BTBD2: variants seen among roughly 807,000 people sequenced by gnomAD.
The protein encoded by BTBD2 is BTB/POZ domain-containing protein 2.
A neutral mutation model predicts 44.0 loss-of-function variants in BTBD2; 15 were observed. That is an observed-to-expected ratio of 0.34 (90% confidence interval 0.23 to 0.53). The LOEUF (loss-of-function observed/expected upper bound fraction) is 0.53, where lower values mean the gene tolerates loss of function less well. BTBD2 is among the 20% of genes least tolerant of loss of function. The probability of loss-of-function intolerance (pLI) is 0.95; values close to 1 mark genes in which losing one functional copy is unlikely to be tolerated. For missense variants in BTBD2, 657 were observed against 746.4 expected (o/e 0.88, Z 1.39); for synonymous variants, 443 against 335.9 (o/e 1.32, Z -3.49).
rs563493688 is a variant in BTBD2, at chr19:1,987,863, G to T, written c.989-171C>A. Reference sequence around the variant, plus strand: ...CACCAGCCATGGCCCCTGCTGCCTGGGCTTTTAGGGAGAGGTCCCAGGGCA... The same window carrying T: ...CACCAGCCATGGCCCCTGCTGCCTGTGCTTTTAGGGAGAGGTCCCAGGGCA... On this transcript the variant is annotated intron_variant, in intron 5 of 8. Transcript: ENST00000255608. The T allele has an allele frequency of 1.1e-4, 71 of 644,490 alleles. 1 individual carries two copies. The Admixed American group carries it at 1.6e-3, about 14-fold the overall frequency. 39.9% of individuals were successfully genotyped at this position (644,490 alleles called of 1,614,324 possible). A position where few individuals can be genotyped will look rare whatever the true frequency, so the allele number is the denominator to read the frequency against.
intron 2 of BTBD2, among the ~76,000 whole-genome samples, chr19:1,994,713 C>G (rs948996314): frequency 6.6e-6 from 1 of 152,106 alleles, no homozygotes; most frequent in Admixed American, 6.6e-5. Flanking sequence ...GAGCCAGGAT[C>G]GTGCCACTGC....
At chr19:2,013,585 G>C (rs984059782) in intron 1 of BTBD2, 63 of 987,956 alleles carry the variant, frequency 6.4e-5, no homozygotes, top group Non-Finnish European at 7.0e-5. Context: ...GGCAGTGGCG[G>C]AGCTGGAGGT....
rs1486858357 is a variant in BTBD2, at chr19:1,985,483, C to G, written c.*1005G>C. The G allele has an allele frequency of 6.6e-6, 1 of 152,430 alleles. No individual in the cohort carries two copies. Among genetic ancestry groups the G allele is most frequent in the African/African-American group, 2.4e-5 (1 of 41,428 alleles). 9.4% of individuals were successfully genotyped at this position (152,430 alleles called of 1,614,324 possible). A position where few individuals can be genotyped will look rare whatever the true frequency, so the allele number is the denominator to read the frequency against. ...TTGTTTCTTTATTTAAAAAAATCAT[C>G]TGGGGGCATGGTCTGAGGAGGACAC... On this transcript the variant is annotated 3_prime_UTR_variant, in exon 9 of 9. Coordinates refer to ENST00000255608, the MANE Select transcript of BTBD2 (RefSeq NM_017797.4).
At chr19:2,006,528 A>AAAG (rs1568221822) in intron 1 of BTBD2, among the ~76,000 whole-genome samples, 7 of 150,684 alleles carry the variant, frequency 4.6e-5, no homozygotes, top group African/African-American at 1.5e-4. Flanking sequence ...AAAAGAAAAG[A>AAAG]AAAATCACCC....
chr19:1,993,231 G>C, intron 2 of BTBD2, 55 bp from the exon 3 acceptor site: 1 of 1,554,684 alleles, frequency 6.4e-7, no homozygotes, highest in South Asian at 1.2e-5. Context: ...CGCCCCCAGG[G>C]GAGAGCGTCA....
intron 2 of BTBD2, among the ~76,000 whole-genome samples, chr19:1,995,688 G>C (rs1368052955): frequency 6.7e-6 from 1 of 149,992 alleles, no homozygotes; most frequent in African/African-American, 2.5e-5. Flanking sequence ...CCAGGCTGGA[G>C]TGCAGTGGCA....
chr19:1,986,281 C>T lies in BTBD2; in HGVS notation c.*207G>A. ...CAGGGCCTGGCCACTGGCCTGGCCA[C>T]CTCCCCGGCTGCCCTGATCCAGCAG... On this transcript the variant is annotated 3_prime_UTR_variant, in exon 9 of 9. Transcript: ENST00000255608. 1.6e-6 allele frequency: 1 copy of T among 628,466 alleles called. No individual in the cohort carries two copies. The allele number at this position is 628,466 out of a possible 1,614,324, so 38.9% of individuals were successfully genotyped here. A position where few individuals can be genotyped will look rare whatever the true frequency, so the allele number is the denominator to read the frequency against.
At chr19:2,014,864 G>A (rs920920422) in intron 1 of BTBD2, among the ~76,000 whole-genome samples, 3 of 151,422 alleles carry the variant, frequency 2.0e-5, no homozygotes, top group Non-Finnish European at 3.0e-5. Flanking sequence ...CAAGCCAGAG[G>A]TGGAGGATCC....
At chr19:2,001,793 A>T (rs372900653) in intron 1 of BTBD2, among the ~76,000 whole-genome samples, 1 of 152,216 alleles carries the variant, frequency 6.6e-6, no homozygotes, top group Non-Finnish European at 1.5e-5. Flanking sequence ...GCTGGAGTGC[A>T]GTGGCGCAAT....
Position 1,986,989 on chromosome 19 carries a change from G to A in BTBD2, c.1270-13C>T. ...CGGTGTGAATAATCTGCGGGGAGGT[G>A]GGAAGTGGGAGGCTCAGGCCTGGGG... On this transcript the variant is annotated splice_polypyrimidine_tract_variant and intron_variant, in intron 7 of 8. Coordinates refer to ENST00000255608, the MANE Select transcript of BTBD2 (RefSeq NM_017797.4). 6.2e-7 allele frequency: 1 copy of A among 1,608,786 alleles called. No homozygotes were observed. Among genetic ancestry groups the A allele is most frequent in the African/African-American group, 1.3e-5 (1 of 74,952 alleles).
chr19:2,004,161 T>C (rs2016364844), intron 1 of BTBD2, among the ~76,000 whole-genome samples: 1 of 148,724 alleles, frequency 6.7e-6, no homozygotes, highest in Non-Finnish European at 1.5e-5. Flanking sequence ...TTTACATATA[T>C]TGATTGATGT....
Position 1,986,653 on chromosome 19 carries a change from T to C in BTBD2, c.1417-4A>G, listed in dbSNP as rs751621524. ...TGCCGTAGTGGGAGTCTGGGCCCTG[T>C]AGGGAATAGGGGTACAGTGAGGTCA... On this transcript the variant is annotated splice_polypyrimidine_tract_variant and splice_region_variant and intron_variant, in intron 8 of 8. Transcript: ENST00000255608. The C allele has an allele frequency of 4.3e-6, 7 of 1,613,044 alleles. No homozygotes were observed. Among genetic ancestry groups the C allele is most frequent in the African/African-American group, 1.3e-5 (1 of 74,852 alleles).
intron 4 of BTBD2, 137 bp downstream of exon 4, chr19:1,990,580 C>T (rs1161219455): frequency 2.3e-5 from 19 of 839,544 alleles, no homozygotes; most frequent in Non-Finnish European, 3.3e-5. Flanking sequence ...AGGACCCAAA[C>T]TCCTGACCTG....
chr19:2,013,047 G>A (rs369289232), intron 1 of BTBD2, among the ~76,000 whole-genome samples: 5 of 152,174 alleles, frequency 3.3e-5, no homozygotes, highest in African/African-American at 4.8e-5. Flanking sequence ...AGACAGGGAC[G>A]GCGACACGGA....
intron 1 of BTBD2, among the ~76,000 whole-genome samples, chr19:1,998,179 C>CT (rs768871372): frequency 2.6e-4 from 39 of 152,240 alleles, no homozygotes; most frequent in Non-Finnish European, 4.9e-4. Context: ...CGTCTACTCT[C>CT]TATCACTCTC....
chr19:2,009,180 G>A (rs553237562), intron 1 of BTBD2, among the ~76,000 whole-genome samples: 70 of 139,326 alleles, frequency 5.0e-4, no homozygotes, highest in African/African-American at 1.7e-3. Context: ...CACCACGCCC[G>A]GCTAATTTTT....
intron 1 of BTBD2, among the ~76,000 whole-genome samples, chr19:2,012,643 G>A (rs2016481593): frequency 6.6e-6 from 1 of 152,172 alleles, no homozygotes; most frequent in Admixed American, 6.6e-5. Context: ...CCCGCATGTC[G>A]AGGGTCCGCT....
At position 2,009,440 on chromosome 19, in the gene BTBD2, C is replaced by T. The variant is rs145894597; in HGVS notation, c.407+5857G>A. 3.0e-3 allele frequency among the ~76,000 whole-genome samples: 451 copies of T among 151,682 alleles called. 3 individuals are homozygous for T. Among genetic ancestry groups the T allele is most frequent in the African/African-American group, 0.01 (424 of 41,420 alleles). On this transcript the variant is annotated intron_variant, in intron 1 of 8. Transcript: ENST00000255608. ...GTCTCAAATTCCTGACCTCGTGATC[C>T]GCCTGACTCGGCCTCCCAAAGTGCT...
chr19:1,997,259 G>A (rs995649376), intron 2 of BTBD2, 85 bp downstream of exon 2: 45 of 1,581,342 alleles, frequency 2.8e-5, no homozygotes, highest in Middle Eastern at 1.7e-4. Context: ...CAGGGCCTCT[G>A]AGCTGGTGTC....
Sources: gnomAD v4.1 joint callset for allele counts (sites outside exome capture counted in the v4.1 genomes callset) on GRCh38, gnomAD v4.1.1 for gene constraint, MANE v1.5 for transcripts, NCBI Gene and HGNC (gene_info 2026-07-23, HGNC 2026-07-21) for gene names.